GALNTL6: variants seen among roughly 807,000 people sequenced by gnomAD.
The protein encoded by GALNTL6 is polypeptide N-acetylgalactosaminyltransferase like 6.
A neutral mutation model predicts 73.7 loss-of-function variants in GALNTL6; 46 were observed. The ratio of observed to expected loss-of-function variants is 0.62; its 90% CI spans 0.49 to 0.80. The LOEUF (loss-of-function observed/expected upper bound fraction) is 0.80. GALNTL6 is among the 30% of genes least tolerant of loss of function. GALNTL6 has a pLI of 0.00. For missense variants in GALNTL6, 604 were observed against 755.0 expected (o/e 0.80, Z 2.34); for synonymous variants, 259 against 263.7 (o/e 0.98, Z 0.17).
intron 5 of GALNTL6, among the ~76,000 whole-genome samples, chr4:172,688,410 G>C (rs757099542): frequency 2.8e-4 from 42 of 152,200 alleles, no homozygotes; most frequent in Non-Finnish European, 3.7e-4. Flanking sequence ...GCAAGTGGTA[G>C]TGCTGACTGG....
At chr4:172,740,394 T>A (rs1736727925) in intron 5 of GALNTL6, among the ~76,000 whole-genome samples, 1 of 152,214 alleles carries the variant, frequency 6.6e-6, no homozygotes, top group Admixed American at 6.5e-5. Context: ...CTTCACTTTG[T>A]GAAAAGTCAT....
intron 5 of GALNTL6, among the ~76,000 whole-genome samples, chr4:172,603,121 A>G (rs1579232073): frequency 6.6e-6 from 1 of 152,112 alleles, no homozygotes; most frequent in Non-Finnish European, 1.5e-5. Context: ...GGGCACAGGG[A>G]TTTTTCTAGA....
chr4:172,417,505 C>T (rs1385877978), intron 5 of GALNTL6, among the ~76,000 whole-genome samples: 2 of 151,918 alleles, frequency 1.3e-5, no homozygotes, highest in Admixed American at 6.6e-5. Context: ...AAAAATTAGC[C>T]GAGCATGGTC....
At chr4:172,172,296 C>T (rs1314654522) in intron 2 of GALNTL6, among the ~76,000 whole-genome samples, 1 of 152,066 alleles carries the variant, frequency 6.6e-6, no homozygotes, top group Non-Finnish European at 1.5e-5. Flanking sequence ...CTCCTGGGTT[C>T]CAGTGATTCT....
At chr4:172,163,745 A>G (rs1006807622) in intron 2 of GALNTL6, among the ~76,000 whole-genome samples, 1 of 152,032 alleles carries the variant, frequency 6.6e-6, no homozygotes, top group Admixed American at 6.6e-5. Context: ...CTGTAGGTAT[A>G]AATTCAGAAA....
At chr4:172,206,814 G>GTTTTTTTTTTTTTTTTTTTTTT (rs796625697) in intron 2 of GALNTL6, among the ~76,000 whole-genome samples, 1 of 57,962 alleles carries the variant, frequency 1.7e-5, no homozygotes, top group African/African-American at 5.0e-5. Context: ...TGTTTTTTTT[G>GTTTTTTTTTTTTTTTTTTTTTT]TTTGTTTTTT....
intron 2 of GALNTL6, among the ~76,000 whole-genome samples, chr4:172,028,750 G>T (rs1380870816): frequency 6.6e-6 from 1 of 151,918 alleles, no homozygotes; most frequent in East Asian, 1.9e-4. Context: ...AATGCAGTGT[G>T]TTTATATTTT....
chr4:172,874,536 A>G (rs528779739), intron 7 of GALNTL6, among the ~76,000 whole-genome samples: 13 of 152,338 alleles, frequency 8.5e-5, no homozygotes, highest in African/African-American at 2.6e-4. Context: ...GATCTAATCT[A>G]TGTTTTATGT....
intron 5 of GALNTL6, among the ~76,000 whole-genome samples, chr4:172,532,001 A>G (rs990680383): frequency 6.6e-6 from 1 of 152,190 alleles, no homozygotes; most frequent in Non-Finnish European, 1.5e-5. Context: ...AACTCCAAGA[A>G]TGGGTGGGAG....
intron 5 of GALNTL6, among the ~76,000 whole-genome samples, chr4:172,610,087 C>T (rs1738469027): frequency 6.6e-6 from 1 of 151,738 alleles, no homozygotes. Flanking sequence ...TTTTCTCTTT[C>T]CTTCTTCATT....
chr4:172,486,808 T>G (rs914691439), intron 5 of GALNTL6, among the ~76,000 whole-genome samples: 1 of 152,206 alleles, frequency 6.6e-6, no homozygotes, highest in East Asian at 1.9e-4. Flanking sequence ...CAAAATTCCC[T>G]CTCACAACCG....
chr4:172,422,970 A>G (rs1343698645), intron 5 of GALNTL6, among the ~76,000 whole-genome samples: 2 of 151,454 alleles, frequency 1.3e-5, no homozygotes, highest in East Asian at 4.0e-4. Context: ...CCTGTTGTCT[A>G]CCTCTGCAAA....
At chr4:172,897,209 C>T (rs146054613) in intron 8 of GALNTL6, among the ~76,000 whole-genome samples, 30 of 152,192 alleles carry the variant, frequency 2.0e-4, no homozygotes, top group African/African-American at 7.2e-4. Context: ...CTAAGAGGGA[C>T]GTGTGTCTTT....
intron 2 of GALNTL6, among the ~76,000 whole-genome samples, chr4:172,207,654 AC>A (rs1239105892): frequency 1.3e-5 from 2 of 152,186 alleles, no homozygotes; most frequent in Non-Finnish European, 2.9e-5. Context: ...GAACCAGACT[AC>A]TGACATATAA....
chr4:171,912,536 T>A (rs1737505900), intron 2 of GALNTL6, among the ~76,000 whole-genome samples: 2 of 152,202 alleles, frequency 1.3e-5, no homozygotes, highest in African/African-American at 2.4e-5. Flanking sequence ...CAAACATGTA[T>A]CTTTTCTTTG....
intron 2 of GALNTL6, among the ~76,000 whole-genome samples, chr4:172,037,455 A>G (rs952750955): frequency 2.0e-5 from 3 of 152,130 alleles, no homozygotes; most frequent in Non-Finnish European, 2.9e-5. Context: ...GGCCATGCCT[A>G]CTATTTCACA....
intron 5 of GALNTL6, among the ~76,000 whole-genome samples, chr4:172,769,624 T>C (rs1469975603): frequency 1.3e-5 from 2 of 152,246 alleles, no homozygotes; most frequent in Non-Finnish European, 2.9e-5. Flanking sequence ...GATAGAGATC[T>C]GAGAGTTATC....
chr4:172,103,775 C>T (rs1048518309), intron 2 of GALNTL6, among the ~76,000 whole-genome samples: 3 of 152,132 alleles, frequency 2.0e-5, no homozygotes, highest in Non-Finnish European at 4.4e-5. Flanking sequence ...TACAAAGTTA[C>T]GGTGATCTGA....
At chr4:172,479,668 A>G (rs545710892) in intron 5 of GALNTL6, among the ~76,000 whole-genome samples, 1 of 152,344 alleles carries the variant, frequency 6.6e-6, no homozygotes, top group Non-Finnish European at 1.5e-5. Context: ...CAATCTATCC[A>G]TGTAACAAAA....
Sources: allele counts gnomAD v4.1 joint callset (sites outside exome capture counted in the v4.1 genomes callset), GRCh38; gene constraint gnomAD v4.1.1; transcripts MANE v1.5; gene names NCBI Gene and HGNC (gene_info 2026-07-23, HGNC 2026-07-21).